MPZL1: variants seen among roughly 807,000 people sequenced by gnomAD.
MPZL1 encodes the protein myelin protein zero like 1, also known as myelin protein zero-like protein 1.
Under a neutral mutation model 29.3 loss-of-function variants are expected in MPZL1, and 16 were observed. That is an observed-to-expected ratio of 0.55 (90% CI 0.37 to 0.83). The LOEUF (loss-of-function observed/expected upper bound fraction) is 0.83. MPZL1 is among the 40% of genes least tolerant of loss of function. The pLI is 0.00. For missense variants in MPZL1, 279 were observed against 332.9 expected (o/e 0.84, Z 1.26); for synonymous variants, 143 against 132.0 (o/e 1.08, Z -0.57).
intron 1 of MPZL1, among the ~76,000 whole-genome samples, chr1:167,739,323 T>TATATATACATACATACA (rs1437358979): frequency 2.1e-5 from 2 of 93,402 alleles, no homozygotes; most frequent in Non-Finnish European, 2.1e-5. Context: ...ATATATATAT[T>TATATATACATACATACA]TATGTTTATT....
At chr1:167,725,600 C>G (rs1660128794) in intron 1 of MPZL1, among the ~76,000 whole-genome samples, 1 of 152,194 alleles carries the variant, frequency 6.6e-6, no homozygotes, top group Non-Finnish European at 1.5e-5. Context: ...ATTCTCCTGC[C>G]TTAGCCTCCC....
At chr1:167,748,482 T>C (rs138981781) in intron 1 of MPZL1, among the ~76,000 whole-genome samples, 1 of 152,252 alleles carries the variant, frequency 6.6e-6, no homozygotes, top group African/African-American at 2.4e-5. Context: ...TTAAATTGTT[T>C]AATCTTTGCA....
chr1:167,735,230 A>G (rs1660352789), intron 1 of MPZL1, among the ~76,000 whole-genome samples: 1 of 152,236 alleles, frequency 6.6e-6, no homozygotes, highest in Admixed American at 6.5e-5. Flanking sequence ...AAGGTATAGT[A>G]TATGTGGTCA....
intron 5 of MPZL1, among the ~76,000 whole-genome samples, chr1:167,785,886 G>A (rs2101801330): frequency 6.6e-6 from 1 of 152,230 alleles, no homozygotes; most frequent in South Asian, 2.1e-4. Flanking sequence ...TCCGCCTCCT[G>A]GGTTCACACC....
chr1:167,751,704 A>G (rs189142633), intron 1 of MPZL1, among the ~76,000 whole-genome samples: 41 of 151,938 alleles, frequency 2.7e-4, no homozygotes, highest in African/African-American at 9.4e-4. Flanking sequence ...AATTAAATGT[A>G]TGCAATACTT....
intron 5 of MPZL1, among the ~76,000 whole-genome samples, chr1:167,787,457 C>T (rs1342046304): frequency 6.6e-6 from 1 of 152,140 alleles, no homozygotes; most frequent in African/African-American, 2.4e-5. Flanking sequence ...AAGTTCCCAT[C>T]TTAGTCCTTA....
At chr1:167,738,115 G>A (rs1660416456) in intron 1 of MPZL1, among the ~76,000 whole-genome samples, 1 of 151,960 alleles carries the variant, frequency 6.6e-6, no homozygotes, top group South Asian at 2.1e-4. Context: ...TTTTAGAGAC[G>A]AGGTTCCACC....
At chr1:167,763,202 A>G (rs1661023668) in intron 1 of MPZL1, among the ~76,000 whole-genome samples, 1 of 152,132 alleles carries the variant, frequency 6.6e-6, no homozygotes, top group Non-Finnish European at 1.5e-5. Flanking sequence ...GCCTCGAGGA[A>G]GGGATCTGGT....
chr1:167,773,894 T>G (rs1571167470), intron 4 of MPZL1: 1 of 138,408 alleles, frequency 7.2e-6, no homozygotes, highest in East Asian at 2.1e-4. Flanking sequence ...CCTGTCTCTT[T>G]AAAAAAAAAA....
rs72697771 is a variant in MPZL1 at position 167,769,140 on chromosome 1, G to A, written c.259-3135G>A. 8.4e-3 allele frequency among the ~76,000 whole-genome samples: 1,280 copies of A among 152,290 alleles called. 11 individuals carry two copies. Among genetic ancestry groups the A allele is most frequent in the Non-Finnish European group, 0.015 (1,043 of 68,030 alleles). On this transcript the variant is annotated intron_variant, in intron 2 of 5. Transcript: ENST00000359523. ...TCCCTATTTATGAAATATCAGGTAGGCGAATCTCACCTTGCAGGGTGGTTG... is the reference window on the plus strand; with the variant it reads ...TCCCTATTTATGAAATATCAGGTAGACGAATCTCACCTTGCAGGGTGGTTG...
chr1:167,745,060 A>G (rs1660616868), intron 1 of MPZL1, among the ~76,000 whole-genome samples: 2 of 152,116 alleles, frequency 1.3e-5, no homozygotes. Flanking sequence ...ATGCAGGTAC[A>G]AGAATGGCTT....
intron 1 of MPZL1, among the ~76,000 whole-genome samples, chr1:167,740,981 A>G (rs989020461): frequency 6.6e-6 from 1 of 152,080 alleles, no homozygotes; most frequent in Admixed American, 6.6e-5. Flanking sequence ...AGTCTAGGTC[A>G]TGGCTGCAGT....
intron 1 of MPZL1, among the ~76,000 whole-genome samples, chr1:167,734,344 G>C (rs184936566): frequency 6.6e-6 from 1 of 152,058 alleles, no homozygotes; most frequent in Non-Finnish European, 1.5e-5. Flanking sequence ...GGCAGGCCTG[G>C]CATTTCAAGT....
chr1:167,740,263 T>C (rs1660489360), intron 1 of MPZL1, among the ~76,000 whole-genome samples: 1 of 152,226 alleles, frequency 6.6e-6, no homozygotes, highest in Admixed American at 6.5e-5. Context: ...GCCGTAACTC[T>C]TAGCAAATTT....
chr1:167,772,621 C>CA, intron 3 of MPZL1, 133 bp downstream of exon 3: 1 of 744,216 alleles, frequency 1.3e-6, no homozygotes, highest in Non-Finnish European at 2.2e-6. Flanking sequence ...CCTGTTGCCA[C>CA]GAACCTGTGG....
intron 1 of MPZL1, among the ~76,000 whole-genome samples, chr1:167,759,385 T>TA (rs1330594560): frequency 6.6e-6 from 1 of 152,194 alleles, no homozygotes; most frequent in Non-Finnish European, 1.5e-5. Flanking sequence ...CCTAGTCATT[T>TA]AAAAAAAGGC....
rs973911212 is a variant in MPZL1 at position 167,789,953 on chromosome 1, A to G, written c.*2032A>G. ...GGGGAAGGGTGTTGAGATTGTCACC[A>G]TCCTTCAAGCTGAGACTCCTGGTGA... On this transcript the variant is annotated 3_prime_UTR_variant, in exon 6 of 6. Transcript: ENST00000359523. 6.6e-6 allele frequency: 1 copy of G among 152,202 alleles called. No individual in the cohort carries two copies. The highest frequency in any genetic ancestry group is 2.4e-5 in the African/African-American group (1 of 41,438). 9.4% of individuals were successfully genotyped at this position (152,202 alleles called of 1,614,324 possible). A position where few individuals can be genotyped will look rare whatever the true frequency, so the allele number is the denominator to read the frequency against.
At chr1:167,775,734 C>A (rs1350073731) in intron 4 of MPZL1, among the ~76,000 whole-genome samples, 1 of 152,078 alleles carries the variant, frequency 6.6e-6, no homozygotes, top group Non-Finnish European at 1.5e-5. Context: ...GGGTTGATGG[C>A]AGGGGGAAAA....
intron 1 of MPZL1, among the ~76,000 whole-genome samples, chr1:167,723,011 G>A (rs140768884): frequency 2.6e-5 from 4 of 152,250 alleles, no homozygotes; most frequent in Non-Finnish European, 2.9e-5. Context: ...ACCAAATATT[G>A]TGACTCAAGC....
Sources: allele counts gnomAD v4.1 joint callset (sites outside exome capture counted in the v4.1 genomes callset), GRCh38; gene constraint gnomAD v4.1.1; transcripts MANE v1.5; gene names NCBI Gene and HGNC (gene_info 2026-07-23, HGNC 2026-07-21).